CASP2: variants seen among roughly 807,000 people sequenced by gnomAD.
The protein encoded by CASP2 is caspase-2.
Under a neutral mutation model 54.4 loss-of-function variants are expected in CASP2, and 38 were observed. The ratio of observed to expected loss-of-function variants is 0.70; its 90% CI spans 0.54 to 0.92. The LOEUF (loss-of-function observed/expected upper bound fraction) is 0.92. Among genes scored for constraint, CASP2 ranks in the 40% least tolerant of loss-of-function variants. CASP2 has a pLI of 0.00. For missense variants in CASP2, 512 were observed against 579.6 expected (o/e 0.88, Z 1.20); for synonymous variants, 215 against 216.3 (o/e 0.99, Z 0.05).
rs763906927 is a variant in CASP2, at chr7:143,288,472, C to A, written c.17C>A (p.Ala6Glu). Residue 6 changes from alanine (A) to glutamate (E), a missense_variant, in exon 1 of 11, where the codon GCG (alanine) becomes GAG (glutamate). This residue lies in a region of CASP2 where 89 missense variants were observed against 67.1 expected (regional missense o/e 1.33). Coordinates refer to ENST00000310447, the MANE Select transcript of CASP2 (RefSeq NM_032982.4). MAAPS[A>E]GSWSTFQHKE... ...AAGCGGGAAATGGCGGCGCCGAGCG[C>A]GGGGTCTTGGTCCACCTTCCAGCAC... The A allele has an allele frequency of 1.1e-5, 18 of 1,613,142 alleles. No individual in the cohort carries two copies. Among genetic ancestry groups the A allele is most frequent in the Non-Finnish European group, 1.4e-5 (17 of 1,179,648 alleles).
chr7:143,300,991 G>A, intron 8 of CASP2: 1 of 917,470 alleles, frequency 1.1e-6, no homozygotes. Flanking sequence ...GTCAAATTCT[G>A]ACTTCACCAT....
At chr7:143,291,790 T>TTTTTTC in intron 2 of CASP2, 100 bp downstream of exon 2, 1 of 1,055,658 alleles carries the variant, frequency 9.5e-7, no homozygotes, top group East Asian at 2.4e-5. Flanking sequence ...CTTTTTTTTT[T>TTTTTTC]TTTTTTTTTT....
intron 5 of CASP2, 62 bp downstream of exon 5, chr7:143,294,386 C>A: frequency 8.2e-7 from 1 of 1,223,638 alleles, no homozygotes; most frequent in Non-Finnish European, 1.2e-6. Flanking sequence ...TTCCTGGGAA[C>A]CTGAACTTAG....
intron 8 of CASP2, chr7:143,303,561 G>A (rs1040807677): frequency 1.3e-5 from 6 of 477,100 alleles, no homozygotes; most frequent in South Asian, 4.3e-5. Context: ...GTGCTTGAGC[G>A]TGGTGCCCGG....
At position 143,294,667 on chromosome 7, in the gene CASP2, A is replaced by G. The variant is rs1801688931; in HGVS notation, c.641A>G (p.Lys214Arg). ...VLSNVHFTGEKELEFRSGGDV... is the reference protein window; with the variant it reads ...VLSNVHFTGERELEFRSGGDV... The stretch of plus-strand genomic sequence containing the variant: ...AGCAATGTGCACTTCACTGGAGAGA[A>G]AGAACTGGAATTTCGCTCTGGAGGG... Residue 214 changes from lysine (K) to arginine (R), a missense_variant, in exon 6 of 11, where the codon AAA (lysine) becomes AGA (arginine). Lys to Arg is a conservative substitution (Grantham distance 26). This residue lies in a region of CASP2 where 417 missense variants were observed against 495.4 expected (regional missense o/e 0.84). Coordinates refer to ENST00000310447, the MANE Select transcript of CASP2 (RefSeq NM_032982.4). 1.2e-6 allele frequency: 2 copies of G among 1,614,194 alleles called. No homozygotes were observed. Among genetic ancestry groups the G allele is most frequent in the Non-Finnish European group, 1.7e-6 (2 of 1,180,016 alleles).
rs143160365 is a variant in CASP2 at position 143,291,542 on chromosome 7, T to C, written c.77T>C (p.Ile26Thr). Residue 26 changes from isoleucine (I) to threonine (T), a missense_variant and splice_region_variant, in exon 2 of 11, where the codon ATA (isoleucine) becomes ACA (threonine). This residue lies in a region of CASP2 where 89 missense variants were observed against 67.1 expected (regional missense o/e 1.33). Coordinates refer to ENST00000310447, the MANE Select transcript of CASP2 (RefSeq NM_032982.4). ...TTCCTTCTACCGTTTATCTGTAGGA[T>C]ATTGGGAGTGTGTGGCATGCATCCT... ...ELMAADRGRR[I>T]LGVCGMHPHH... 1.9e-6 allele frequency: 3 copies of C among 1,613,986 alleles called. No homozygotes were observed. The highest frequency in any genetic ancestry group is 1.3e-5 in the African/African-American group (1 of 75,024).
intron 4 of CASP2, 140 bp from the exon 5 acceptor site, chr7:143,294,090 T>C: frequency 1.5e-6 from 1 of 680,076 alleles, no homozygotes; most frequent in Non-Finnish European, 2.7e-6. Context: ...TCTGCCCTCA[T>C]GAAGCTTACA....
Sources: allele counts gnomAD v4.1 joint callset, GRCh38; gene constraint gnomAD v4.1.1; regional missense constraint gnomAD v4.1.1; transcripts MANE v1.5; gene names NCBI Gene and HGNC (gene_info 2026-07-23, HGNC 2026-07-21).